MRTFA: variants seen among roughly 807,000 people sequenced by gnomAD.
MRTFA encodes myocardin-related transcription factor A.
A neutral mutation model predicts 83.5 loss-of-function variants in MRTFA; 20 were observed. The ratio of observed to expected loss-of-function variants is 0.24; its 90% confidence interval spans 0.17 to 0.35. The LOEUF (loss-of-function observed/expected upper bound fraction) is 0.35. Among genes scored for constraint, MRTFA ranks in the 10% least tolerant of loss-of-function variants. The pLI is 1.00. For synonymous variants in MRTFA, 659 were observed against 541.2 expected (o/e 1.22, Z -3.02); for missense variants, 1,200 against 1,224.7 (o/e 0.98, Z 0.30).
intron 4 of MRTFA, among the ~76,000 whole-genome samples, chr22:40,444,611 T>G (rs1426223061): frequency 6.6e-6 from 1 of 152,110 alleles, no homozygotes; most frequent in Non-Finnish European, 1.5e-5. Flanking sequence ...CCAAAGGAAA[T>G]GGCACGATAT....
intron 1 of MRTFA, among the ~76,000 whole-genome samples, chr22:40,624,815 A>G (rs983163901): frequency 2.0e-4 from 30 of 152,240 alleles, no homozygotes; most frequent in Admixed American, 7.2e-4. Context: ...TCCAAATTGT[A>G]TAAGTCATGC....
intron 3 of MRTFA, among the ~76,000 whole-genome samples, chr22:40,473,839 AC>A (rs1315109090): frequency 6.6e-6 from 1 of 152,206 alleles, no homozygotes; most frequent in Non-Finnish European, 1.5e-5. Context: ...AAATTGTAAA[AC>A]CACATGGCCT....
chr22:40,539,694 G>C (rs2055255690), intron 3 of MRTFA, among the ~76,000 whole-genome samples: 1 of 151,820 alleles, frequency 6.6e-6, no homozygotes, highest in Admixed American at 6.6e-5. Flanking sequence ...ATAAAGACAG[G>C]GTTTTCACCA....
chr22:40,618,680 C>T (rs1221227094), intron 1 of MRTFA, among the ~76,000 whole-genome samples: 1 of 152,110 alleles, frequency 6.6e-6, no homozygotes, highest in Non-Finnish European at 1.5e-5. Flanking sequence ...GAAGATATTG[C>T]AGGCCGGGCA....
intron 1 of MRTFA, among the ~76,000 whole-genome samples, chr22:40,595,863 C>CTTTTTTT (rs35215701): frequency 2.6e-5 from 2 of 78,116 alleles, no homozygotes; most frequent in Admixed American, 1.7e-4. Context: ...TATCTAAAGT[C>CTTTTTTT]TTTTTTTTTT....
Position 40,592,693 on chromosome 22 carries a change from A to T in MRTFA, c.-22+1981T>A, listed in dbSNP as rs547470483. On this transcript the variant is annotated intron_variant, in intron 2 of 14. Transcript: ENST00000355630. Reference sequence around the variant, plus strand: ...TTTTTTGTAGAGACAGGATTTCACCATGTTGCCCAGGCTGGTTTCAAACTC... The same window carrying T: ...TTTTTTGTAGAGACAGGATTTCACCTTGTTGCCCAGGCTGGTTTCAAACTC... Among the ~76,000 whole-genome samples the T allele has an allele frequency of 8.9e-4, 135 of 151,956 alleles. 1 individual carries two copies. The Middle Eastern group carries it at 0.021, about 23-fold the overall frequency.
chr22:40,624,972 A>G (rs1198603339), intron 1 of MRTFA, among the ~76,000 whole-genome samples: 1 of 152,206 alleles, frequency 6.6e-6, no homozygotes, highest in Non-Finnish European at 1.5e-5. Flanking sequence ...CTCAGGGTAT[A>G]TAAAGACTCA....
intron 1 of MRTFA, among the ~76,000 whole-genome samples, chr22:40,612,466 C>A (rs983900284): frequency 1.3e-5 from 2 of 151,970 alleles, no homozygotes; most frequent in African/African-American, 4.8e-5. Flanking sequence ...GAACTGGCTA[C>A]CTCAATCAAA....
At chr22:40,527,385 T>G (rs144012833) in intron 3 of MRTFA, among the ~76,000 whole-genome samples, 71 of 149,910 alleles carry the variant, frequency 4.7e-4, no homozygotes, top group Admixed American at 2.3e-3. Context: ...AAAGTGGAGT[T>G]TTTTTTTTTT....
chr22:40,603,253 T>C (rs986252662), intron 1 of MRTFA, among the ~76,000 whole-genome samples: 9 of 152,154 alleles, frequency 5.9e-5, no homozygotes, highest in Non-Finnish European at 1.0e-4. Flanking sequence ...CTCTCAGGAA[T>C]TCACCCATAA....
chr22:40,483,775 G>C (rs1404403342), intron 3 of MRTFA, among the ~76,000 whole-genome samples: 2 of 152,062 alleles, frequency 1.3e-5, no homozygotes, highest in African/African-American at 4.8e-5. Context: ...GCTCACTGCA[G>C]CCTTGACCTC....
intron 3 of MRTFA, among the ~76,000 whole-genome samples, chr22:40,487,833 C>T (rs143231052): frequency 1.3e-5 from 2 of 152,194 alleles, no homozygotes; most frequent in African/African-American, 4.8e-5. Flanking sequence ...CCTCATTTTG[C>T]TTATGGATAT....
chr22:40,487,834 T>G (rs1602322562), intron 3 of MRTFA, among the ~76,000 whole-genome samples: 2 of 152,188 alleles, frequency 1.3e-5, no homozygotes, highest in African/African-American at 4.8e-5. Context: ...CTCATTTTGC[T>G]TATGGATATG....
chr22:40,457,430 A>AAG (rs1463060891), intron 4 of MRTFA, among the ~76,000 whole-genome samples: 1 of 104,536 alleles, frequency 9.6e-6, no homozygotes, highest in East Asian at 3.7e-4. Flanking sequence ...GAATGAAAGA[A>AAG]AGAAAGAGAA....
intron 3 of MRTFA, among the ~76,000 whole-genome samples, chr22:40,499,819 A>T (rs2147218833): frequency 6.6e-6 from 1 of 152,168 alleles, no homozygotes; most frequent in Non-Finnish European, 1.5e-5. Flanking sequence ...CTTTCACCAT[A>T]AATTTCCCTT....
intron 3 of MRTFA, among the ~76,000 whole-genome samples, chr22:40,530,093 C>A (rs920019615): frequency 9.9e-5 from 15 of 152,214 alleles, no homozygotes. Context: ...CAAGTGAATT[C>A]TGTCCTGCTG....
At chr22:40,549,669 C>T (rs1053574527) in intron 3 of MRTFA, among the ~76,000 whole-genome samples, 1 of 152,196 alleles carries the variant, frequency 6.6e-6, no homozygotes, top group Non-Finnish European at 1.5e-5. Context: ...AATAACAACA[C>T]TTATAAGTTG....
intron 1 of MRTFA, among the ~76,000 whole-genome samples, chr22:40,611,144 G>A (rs1348206031): frequency 1.3e-5 from 2 of 152,002 alleles, no homozygotes; most frequent in African/African-American, 4.8e-5. Context: ...TCAGCATGTT[G>A]GCCAGGCTGG....
chr22:40,486,088 C>G (rs562138705), intron 3 of MRTFA, among the ~76,000 whole-genome samples: 1 of 152,260 alleles, frequency 6.6e-6, no homozygotes, highest in East Asian at 1.9e-4. Context: ...TTCAGATCAC[C>G]CCAAGGGAGT....
Sources: gnomAD v4.1 joint callset for allele counts (sites outside exome capture counted in the v4.1 genomes callset) on GRCh38, gnomAD v4.1.1 for gene constraint, MANE v1.5 for transcripts, NCBI Gene and HGNC (gene_info 2026-07-23, HGNC 2026-07-21) for gene names.